S100Z: variants seen among roughly 807,000 people sequenced by gnomAD.
S100Z encodes the protein protein S100-Z.
A neutral mutation model predicts 8.5 loss-of-function variants in S100Z; 11 were observed. That is an observed-to-expected ratio of 1.30 (90% CI 0.82 to 2.15). S100Z has a LOEUF of 2.15. S100Z is among the 30% of genes most tolerant of loss of function. The pLI, the probability that S100Z is intolerant of heterozygous loss-of-function variation, is 0.00. For synonymous variants in S100Z, 34 were observed against 43.8 expected (o/e 0.78, Z 0.89); for missense variants, 126 against 117.9 (o/e 1.07, Z -0.32).
At chr5:76,918,842 C>G (rs913059168) in intron 4 of S100Z, among the ~76,000 whole-genome samples, 1 of 152,202 alleles carries the variant, frequency 6.6e-6, no homozygotes, top group Non-Finnish European at 1.5e-5. Context: ...TGTACTCTAT[C>G]TATTCAACAT....
At chr5:76,866,429 A>T (rs936217619) in intron 1 of S100Z, among the ~76,000 whole-genome samples, 5 of 152,178 alleles carry the variant, frequency 3.3e-5, no homozygotes, top group African/African-American at 1.2e-4. Flanking sequence ...TAACTGTACA[A>T]TGTTTATGAA....
At chr5:76,881,155 T>A (rs1236264031) in intron 4 of S100Z, among the ~76,000 whole-genome samples, 1 of 152,150 alleles carries the variant, frequency 6.6e-6, no homozygotes, top group African/African-American at 2.4e-5. Flanking sequence ...GACTTAAGGG[T>A]GGCAGTTTGA....
chr5:76,949,998 A>T, the S100Z span, among the ~76,000 whole-genome samples: 1 of 152,214 alleles, frequency 6.6e-6, no homozygotes. Context: ...TAATAGCTAC[A>T]TTCATTCAAA....
At chr5:76,886,363 G>A (rs1347998645) in intron 4 of S100Z, among the ~76,000 whole-genome samples, 2 of 152,190 alleles carry the variant, frequency 1.3e-5, no homozygotes, top group Admixed American at 6.5e-5. Flanking sequence ...ACAGATTGAA[G>A]GGTGGCACCA....
chr5:76,907,897 G>T (rs1349161599), intron 4 of S100Z, among the ~76,000 whole-genome samples: 1 of 152,176 alleles, frequency 6.6e-6, no homozygotes, highest in East Asian at 1.9e-4. Context: ...GGGAGGCCAA[G>T]GCAGGCATAT....
At chr5:76,858,275 C>G (rs1403815081) in intron 1 of S100Z, among the ~76,000 whole-genome samples, 3 of 152,162 alleles carry the variant, frequency 2.0e-5, no homozygotes, top group Admixed American at 6.5e-5. Context: ...GTAATCCCAG[C>G]ACTTTGGGAG....
chr5:76,909,904 C>T (rs1335365527), intron 4 of S100Z, among the ~76,000 whole-genome samples: 1 of 152,320 alleles, frequency 6.6e-6, no homozygotes, highest in East Asian at 1.9e-4. Flanking sequence ...GAAAAGAATG[C>T]AGCTTTAGCT....
At chr5:76,898,694 G>T (rs1307489683) in intron 4 of S100Z, among the ~76,000 whole-genome samples, 1 of 151,982 alleles carries the variant, frequency 6.6e-6, no homozygotes, top group East Asian at 1.9e-4. Flanking sequence ...TGTTGAATTT[G>T]GTTTGCCAGC....
chr5:76,949,890 G>A, the S100Z span, among the ~76,000 whole-genome samples: 1 of 152,172 alleles, frequency 6.6e-6, no homozygotes, highest in Non-Finnish European at 1.5e-5. Flanking sequence ...GTTGTACAAC[G>A]TTGTGCCTAT....
chr5:76,926,518 G>A (rs949852669), downstream of S100Z, among the ~76,000 whole-genome samples: 1 of 152,124 alleles, frequency 6.6e-6, no homozygotes, highest in Non-Finnish European at 1.5e-5. Flanking sequence ...CTGCTCCTCA[G>A]GATCTGCTGT....
rs370842755 is a variant in S100Z, at chr5:76,850,568, C to T, written c.-176+413C>T. On this transcript the variant is annotated intron_variant, in intron 1 of 4. Coordinates refer to ENST00000317593, the MANE Select transcript of S100Z (RefSeq NM_130772.4). ...CAAGGTGAGGCTTGGCCCCTTAGAT[C>T]CACGCCGTGATTTCGCTTCTTTTTC... is the stretch of plus-strand genomic sequence containing the variant. 7.4e-4 allele frequency among the ~76,000 whole-genome samples: 113 copies of T among 152,282 alleles called. 1 individual carries two copies. The highest frequency in any genetic ancestry group is 2.6e-3 in the African/African-American group (109 of 41,566).
At chr5:76,889,497 T>C (rs1341548316) in intron 4 of S100Z, among the ~76,000 whole-genome samples, 6 of 152,242 alleles carry the variant, frequency 3.9e-5, no homozygotes, top group African/African-American at 1.4e-4. Context: ...AAAGTTTACA[T>C]ATTCTAAAGT....
At chr5:76,932,408 C>T in the S100Z span, among the ~76,000 whole-genome samples, 340 of 152,180 alleles carry the variant, frequency 2.2e-3, 2 homozygotes, top group African/African-American at 7.2e-3. Flanking sequence ...GGCTGGAGTG[C>T]GGTGGTGTGA....
intron 1 of S100Z, among the ~76,000 whole-genome samples, chr5:76,853,853 G>A (rs950348481): frequency 5.9e-5 from 9 of 151,956 alleles, no homozygotes; most frequent in Non-Finnish European, 8.8e-5. Context: ...TTGGTGGGAG[G>A]TGACTGGATT....
chr5:76,871,723 C>T (rs1365178342), intron 2 of S100Z, among the ~76,000 whole-genome samples: 1 of 152,050 alleles, frequency 6.6e-6, no homozygotes, highest in Non-Finnish European at 1.5e-5. Flanking sequence ...GACAGGGTTT[C>T]ACCATGTTGG....
At chr5:76,952,656 G>A in the S100Z span, 3 of 154,368 alleles carry the variant, frequency 1.9e-5, no homozygotes, top group African/African-American at 7.2e-5. Context: ...ATGTGATGAG[G>A]CTGCATAATA....
At chr5:76,863,757 C>T (rs187936895) in intron 1 of S100Z, among the ~76,000 whole-genome samples, 4 of 152,168 alleles carry the variant, frequency 2.6e-5, no homozygotes, top group Non-Finnish European at 2.9e-5. Context: ...CCAGGATGGT[C>T]TCGATCTCCT....
chr5:76,863,719 T>A (rs1021301644), intron 1 of S100Z, among the ~76,000 whole-genome samples: 1 of 151,898 alleles, frequency 6.6e-6, no homozygotes, highest in African/African-American at 2.4e-5. Context: ...TTTGTATTTT[T>A]AGTAGAGACG....
At chr5:76,936,657 A>ACACACACACACAC in the S100Z span, among the ~76,000 whole-genome samples, 2 of 111,798 alleles carry the variant, frequency 1.8e-5, no homozygotes, top group Non-Finnish European at 4.6e-5. Context: ...ACACACACAC[A>ACACACACACACAC]ACCATGAAGG....
Sources: allele counts gnomAD v4.1 joint callset (sites outside exome capture counted in the v4.1 genomes callset), GRCh38; gene constraint gnomAD v4.1.1; transcripts MANE v1.5; gene names NCBI Gene and HGNC (gene_info 2026-07-23, HGNC 2026-07-21).